Variants in MCPH1 observed in about 807,000 individuals in gnomAD.
MCPH1 encodes microcephalin.
Under a neutral mutation model 84.5 loss-of-function variants are expected in MCPH1, and 104 were observed. The observed-to-expected ratio is 1.23, with a 90% CI of 1.05 to 1.45. The LOEUF (loss-of-function observed/expected upper bound fraction) is 1.45. Among genes scored for constraint, MCPH1 ranks in the 40% most tolerant of loss-of-function variants. The pLI, the probability that MCPH1 is intolerant of heterozygous loss-of-function variation, is 0.00. For missense variants in MCPH1, 1,498 were observed against 1,005.7 expected (o/e 1.49, Z -6.62); for synonymous variants, 514 against 366.8 (o/e 1.40, Z -4.58).
intron 12 of MCPH1, among the ~76,000 whole-genome samples, chr8:6,534,615 T>C (rs1820170271): frequency 6.6e-6 from 1 of 152,082 alleles, no homozygotes; most frequent in Admixed American, 6.6e-5. Flanking sequence ...GACCACTACT[T>C]TAAAAAATTA....
intron 12 of MCPH1, among the ~76,000 whole-genome samples, chr8:6,504,350 C>G (rs186255279): frequency 9.4e-5 from 14 of 149,718 alleles, no homozygotes; most frequent in African/African-American, 3.5e-4. Flanking sequence ...ATGTATAAAC[C>G]TTAAATTGCA....
At position 6,499,971 on chromosome 8, in the gene MCPH1, G is replaced by A. The variant is rs754275751; in HGVS notation, c.2214+42G>A. ...TTTACGATGGTAAATGCAGTTTGCT[G>A]TTCTCAAGAAATTATTATAAACATA... On this transcript the variant is annotated intron_variant, in intron 12 of 13. Transcript: ENST00000344683. 2.6e-6 allele frequency: 4 copies of A among 1,536,180 alleles called. No individual in the cohort carries two copies. In the African/African-American group the frequency reaches 4.1e-5, roughly 16 times the overall value.
chr8:6,534,205 TA>T (rs113647753), intron 12 of MCPH1, among the ~76,000 whole-genome samples: 7,980 of 150,426 alleles, frequency 0.053, 244 homozygotes, highest in Non-Finnish European at 0.064. Context: ...CAATATATTT[TA>T]AAAAAAAAAT....
At chr8:6,588,557 G>T (rs1203449470) in intron 12 of MCPH1, among the ~76,000 whole-genome samples, 1 of 152,196 alleles carries the variant, frequency 6.6e-6, no homozygotes, top group African/African-American at 2.4e-5. Context: ...CTCCTGGAGT[G>T]GCGTAAGTCT....
intron 10 of MCPH1, among the ~76,000 whole-genome samples, chr8:6,479,141 C>A (rs1586014060): frequency 5.9e-5 from 9 of 152,032 alleles, no homozygotes; most frequent in Admixed American, 3.9e-4. Flanking sequence ...TGGTGAATTG[C>A]CTATAGTCCC....
At chr8:6,589,668 C>T (rs904080408) in intron 12 of MCPH1, among the ~76,000 whole-genome samples, 3 of 152,328 alleles carry the variant, frequency 2.0e-5, no homozygotes, top group Non-Finnish European at 2.9e-5. Flanking sequence ...GAGATGAGAA[C>T]TATAAATAGC....
intron 6 of MCPH1, among the ~76,000 whole-genome samples, chr8:6,441,282 C>T (rs903326028): frequency 6.6e-6 from 1 of 152,178 alleles, no homozygotes. Context: ...TTGCCTTAAA[C>T]TTTACTTTTT....
chr8:6,489,054 G>T (rs1386363115), intron 11 of MCPH1, among the ~76,000 whole-genome samples: 2 of 152,142 alleles, frequency 1.3e-5, no homozygotes, highest in Non-Finnish European at 2.9e-5. Flanking sequence ...CAGAGTTAGG[G>T]AATTCTGGGG....
At chr8:6,467,468 C>G (rs776265108) in intron 9 of MCPH1, among the ~76,000 whole-genome samples, 2 of 151,980 alleles carry the variant, frequency 1.3e-5, no homozygotes, top group Non-Finnish European at 2.9e-5. Flanking sequence ...TGTCTTTTGT[C>G]CTTTTTTTGT....
intron 12 of MCPH1, among the ~76,000 whole-genome samples, chr8:6,620,628 TAAGC>T (rs1441985681): frequency 6.6e-6 from 1 of 152,072 alleles, no homozygotes; most frequent in Non-Finnish European, 1.5e-5. Flanking sequence ...GTAGGAAAAA[TAAGC>T]AGGGAAAATA....
Position 6,445,395 on chromosome 8 carries a change from T to G in MCPH1, c.1673T>G (p.Leu558Arg). The G allele has an allele frequency of 6.2e-7, 1 of 1,614,238 alleles. No homozygotes were observed. Among genetic ancestry groups the G allele is most frequent in the Non-Finnish European group, 8.5e-7 (1 of 1,180,044 alleles). The change falls in exon 8 of 14, where the codon CTG becomes CGG. Residue 558 changes from leucine to arginine, a missense_variant. Leu to Arg is a moderately radical substitution (Grantham distance 102, BLOSUM62 -2). Transcript: ENST00000344683. Reference protein sequence around the residue: ...SLEEMKEAVGLKSTQNKGTTS... With the variant: ...SLEEMKEAVGRKSTQNKGTTS... ...GAAGAAATGAAAGAAGCGGTTGGTC[T>G]GAAAAGCACACAGAACAAAGGTACC... is the stretch of plus-strand genomic sequence containing the variant.
intron 12 of MCPH1, among the ~76,000 whole-genome samples, chr8:6,570,807 T>G (rs1022652041): frequency 1.6e-3 from 181 of 110,908 alleles, no homozygotes; most frequent in African/African-American, 7.8e-3. Context: ...ATTGTTGTTT[T>G]TTTTTTTTTT....
intron 12 of MCPH1, among the ~76,000 whole-genome samples, chr8:6,557,894 C>A (rs559763624): frequency 6.6e-6 from 1 of 152,288 alleles, no homozygotes; most frequent in South Asian, 2.1e-4. Flanking sequence ...GCCCTGCTGT[C>A]ATTTTGTGGC....
chr8:6,444,826 G>A lies in MCPH1; in HGVS notation c.1104G>A (p.Lys368=), dbSNP rs548110255. ...RVSHGSHSPP[K]EKCKRKRSTR... ...CACATGGCTCCCATTCACCTCCGAA[G>A]GAAAAATGCAAGAGAAAGAGGAGCA... Residue 368 remains lysine, a synonymous_variant, in exon 8 of 14, where the codon AAG becomes AAA. Transcript: ENST00000344683. 9.3e-6 allele frequency: 15 copies of A among 1,614,110 alleles called. No homozygotes were observed. In the East Asian group the frequency reaches 2.9e-4, roughly 31 times the overall value.
intron 12 of MCPH1, among the ~76,000 whole-genome samples, chr8:6,604,038 C>G (rs547709723): frequency 1.3e-5 from 2 of 149,858 alleles, no homozygotes; most frequent in Non-Finnish European, 3.0e-5. Context: ...ACATATGTCT[C>G]CTTTGATCCG....
intron 6 of MCPH1, among the ~76,000 whole-genome samples, chr8:6,441,155 T>A (rs1418161914): frequency 6.6e-6 from 1 of 152,246 alleles, no homozygotes; most frequent in Admixed American, 6.5e-5. Context: ...GCTGTCCTGA[T>A]AAAATCAAAG....
intron 9 of MCPH1, among the ~76,000 whole-genome samples, chr8:6,475,848 G>A (rs867917719): frequency 1.7e-4 from 26 of 152,300 alleles, no homozygotes; most frequent in South Asian, 1.7e-3. Context: ...CACAGTCCAT[G>A]TGGGGTGTGG....
intron 9 of MCPH1, among the ~76,000 whole-genome samples, chr8:6,459,585 A>C (rs559363832): frequency 6.6e-5 from 10 of 152,244 alleles, no homozygotes; most frequent in Admixed American, 1.3e-4. Flanking sequence ...TGACTGAAGC[A>C]ATGCCTCTAC....
chr8:6,612,804 C>T (rs1430498530), intron 12 of MCPH1, among the ~76,000 whole-genome samples: 1 of 152,246 alleles, frequency 6.6e-6, no homozygotes, highest in African/African-American at 2.4e-5. Flanking sequence ...CGCCTGTGAA[C>T]CCCGCAATTT....
Sources: gnomAD v4.1 joint callset for allele counts (sites outside exome capture counted in the v4.1 genomes callset) on GRCh38, gnomAD v4.1.1 for gene constraint, MANE v1.5 for transcripts, NCBI Gene and HGNC (gene_info 2026-07-23, HGNC 2026-07-21) for gene names.